The following GALNT13 variants were observed in gnomAD, a reference collection of about 807,000 sequenced individuals.
GALNT13 encodes UDP-GalNAc:polypeptide N-acetylgalactosaminyltransferase 13.
GALNT13 carries 28 observed loss-of-function variants against 64.2 expected under a neutral mutation model. The ratio of observed to expected loss-of-function variants is 0.44; its 90% CI spans 0.32 to 0.60. The LOEUF (loss-of-function observed/expected upper bound fraction) is 0.60, where lower values mean the gene tolerates loss of function less well. GALNT13 is among the 20% of genes least tolerant of loss of function. GALNT13 has a pLI of 0.05. For synonymous variants in GALNT13, 214 were observed against 224.6 expected, an observed-to-expected ratio of 0.95 and a Z score of 0.42; for missense variants, 577 against 669.8, an observed-to-expected ratio of 0.86 and a Z score of 1.53.
chr2:154,453,851 T>C lies in GALNT13; in HGVS notation c.*3300T>C, dbSNP rs1701965369. 1 of 152,214 alleles carries C rather than the reference T, an allele frequency of 6.6e-6. No individual in the cohort carries two copies. The highest frequency in any genetic ancestry group is 2.1e-4 in the South Asian group (1 of 4,830). 9.4% of individuals were successfully genotyped at this position (152,214 alleles called of 1,614,324 possible). A position where few individuals can be genotyped will look rare whatever the true frequency, so the allele number is the denominator to read the frequency against. ...ATATTTAGACAGGATTTCCAAAAAC[T>C]TTGTCTTCAAATTTTAATTTTCTTC... On this transcript the variant is annotated 3_prime_UTR_variant, in exon 13 of 13. Coordinates refer to ENST00000392825, the MANE Select transcript of GALNT13 (RefSeq NM_052917.4).
the GALNT13 span, among the ~76,000 whole-genome samples, chr2:153,445,680 T>C: frequency 6.6e-6 from 1 of 152,154 alleles, no homozygotes; most frequent in Non-Finnish European, 1.5e-5. Context: ...GCCTGTCCTA[T>C]AGTGATTTTT....
At chr2:154,002,374 C>T (rs192424933) in intron 3 of GALNT13, among the ~76,000 whole-genome samples, 220 of 151,816 alleles carry the variant, frequency 1.4e-3, no homozygotes, top group Non-Finnish European at 2.5e-3. Flanking sequence ...TTCCTCTTCT[C>T]ATTGGATAAA....
chr2:153,952,167 G>A (rs1466514331), intron 3 of GALNT13, among the ~76,000 whole-genome samples: 2 of 152,130 alleles, frequency 1.3e-5, no homozygotes, highest in African/African-American at 4.8e-5. Context: ...GTTAGAATAG[G>A]TATTTGAGAG....
chr2:154,335,028 G>A (rs893451572), intron 9 of GALNT13, among the ~76,000 whole-genome samples: 2 of 151,956 alleles, frequency 1.3e-5, no homozygotes, highest in African/African-American at 4.8e-5. Context: ...CTTATGCTCA[G>A]CATAAAAGTC....
chr2:154,331,592 G>A (rs1695172223), intron 9 of GALNT13, among the ~76,000 whole-genome samples: 1 of 151,978 alleles, frequency 6.6e-6, no homozygotes, highest in South Asian at 2.1e-4. Context: ...GAGGCACTGT[G>A]CCTGTCATGA....
chr2:154,096,075 A>G (rs932696462), intron 3 of GALNT13, among the ~76,000 whole-genome samples: 1 of 151,996 alleles, frequency 6.6e-6, no homozygotes, highest in Non-Finnish European at 1.5e-5. Flanking sequence ...AATAAGGATG[A>G]ATATTTATAT....
At chr2:153,418,195 G>C in the GALNT13 span, among the ~76,000 whole-genome samples, 1 of 151,994 alleles carries the variant, frequency 6.6e-6, no homozygotes, top group African/African-American at 2.4e-5. Flanking sequence ...GCAGAGGTCA[G>C]TGAGGTAATA....
At chr2:153,863,831 C>T in the GALNT13 span, among the ~76,000 whole-genome samples, 432 of 152,180 alleles carry the variant, frequency 2.8e-3, 1 homozygote, top group Non-Finnish European at 4.5e-3. Flanking sequence ...CTAGGATTCA[C>T]GCTCAAAAAG....
the GALNT13 span, among the ~76,000 whole-genome samples, chr2:153,393,622 G>A: frequency 6.6e-6 from 1 of 152,020 alleles, no homozygotes; most frequent in African/African-American, 2.4e-5. Flanking sequence ...TGGACAGTTG[G>A]TGGAACATCA....
At chr2:154,364,488 T>C (rs898515639) in intron 9 of GALNT13, among the ~76,000 whole-genome samples, 7 of 152,180 alleles carry the variant, frequency 4.6e-5, no homozygotes, top group African/African-American at 1.2e-4. Flanking sequence ...TTAGAAAGTA[T>C]AGCAAATTCA....
the GALNT13 span, among the ~76,000 whole-genome samples, chr2:153,224,846 A>T: frequency 6.6e-6 from 1 of 152,228 alleles, no homozygotes; most frequent in Non-Finnish European, 1.5e-5. Context: ...TTTTGAATTA[A>T]TGACAACCTT....
the GALNT13 span, among the ~76,000 whole-genome samples, chr2:153,429,823 T>A: frequency 0.063 from 9,579 of 152,206 alleles, 331 homozygotes; most frequent in South Asian, 0.14. Flanking sequence ...AATTTTGCCC[T>A]CACCATCACC....
the GALNT13 span, among the ~76,000 whole-genome samples, chr2:153,342,053 A>G: frequency 7.4e-4 from 113 of 152,302 alleles, no homozygotes; most frequent in Non-Finnish European, 7.8e-4. Context: ...AGCAAAGAGG[A>G]TATGTCATTA....
chr2:154,450,359 A>G, intron 12 of GALNT13, 52 bp from the exon 13 acceptor site: 1 of 1,509,504 alleles, frequency 6.6e-7, no homozygotes, highest in Admixed American at 2.0e-5. Flanking sequence ...CTGATGTGCT[A>G]GCAAAGCTAA....
chr2:154,407,770 A>G (rs1314516000), intron 10 of GALNT13, among the ~76,000 whole-genome samples: 1 of 151,988 alleles, frequency 6.6e-6, no homozygotes, highest in East Asian at 1.9e-4. Flanking sequence ...AGTTTTTTCT[A>G]ACATTTACCA....
intron 3 of GALNT13, among the ~76,000 whole-genome samples, chr2:154,002,002 C>T (rs1398628637): frequency 6.6e-6 from 1 of 151,960 alleles, no homozygotes; most frequent in East Asian, 1.9e-4. Flanking sequence ...CCCAGTCTTT[C>T]TTGGAAGGTA....
At chr2:153,643,258 T>C in the GALNT13 span, among the ~76,000 whole-genome samples, 1 of 151,606 alleles carries the variant, frequency 6.6e-6, no homozygotes, top group South Asian at 2.1e-4. Context: ...TTCTAGTAAC[T>C]GTGATGTACA....
At chr2:153,690,812 A>C in the GALNT13 span, among the ~76,000 whole-genome samples, 6 of 152,186 alleles carry the variant, frequency 3.9e-5, no homozygotes, top group Non-Finnish European at 8.8e-5. Flanking sequence ...CTTCCTTTTA[A>C]GACATTGCCA....
chr2:153,557,005 T>C, the GALNT13 span, among the ~76,000 whole-genome samples: 3 of 152,206 alleles, frequency 2.0e-5, no homozygotes, highest in African/African-American at 7.2e-5. Context: ...TCTAGTTTAC[T>C]TTGAATGTTC....
Sources: allele counts gnomAD v4.1 joint callset (sites outside exome capture counted in the v4.1 genomes callset), GRCh38; gene constraint gnomAD v4.1.1; transcripts MANE v1.5; gene names NCBI Gene and HGNC (gene_info 2026-07-23, HGNC 2026-07-21).